The following CNTNAP2 variants were observed in gnomAD, a reference collection of about 807,000 sequenced individuals.
CNTNAP2 encodes the protein contactin-associated protein-like 2.
Under a neutral mutation model 155.2 loss-of-function variants are expected in CNTNAP2, and 98 were observed. The observed-to-expected ratio is 0.63, with a 90% CI of 0.54 to 0.75. CNTNAP2 has a LOEUF of 0.75. CNTNAP2 is among the 30% of genes least tolerant of loss of function. The pLI, the probability that CNTNAP2 is intolerant of heterozygous loss-of-function variation, is 0.00. For missense variants in CNTNAP2, 1,727 were observed against 1,688.1 expected (o/e 1.02, Z -0.40); for synonymous variants, 651 against 631.2 (o/e 1.03, Z -0.47).
intron 1 of CNTNAP2, among the ~76,000 whole-genome samples, chr7:146,702,471 T>G (rs2129173529): frequency 6.6e-6 from 1 of 152,300 alleles, no homozygotes; most frequent in East Asian, 1.9e-4. Flanking sequence ...GAGTCAGAGC[T>G]GTCTAATCGA....
intron 11 of CNTNAP2, among the ~76,000 whole-genome samples, chr7:147,519,596 C>G (rs1171155346): frequency 6.6e-6 from 1 of 152,244 alleles, no homozygotes; most frequent in Non-Finnish European, 1.5e-5. Flanking sequence ...GGCACAGTGG[C>G]TCATGCCTGT....
intron 20 of CNTNAP2, among the ~76,000 whole-genome samples, chr7:148,230,006 T>C (rs543116368): frequency 2.0e-5 from 3 of 152,340 alleles, no homozygotes; most frequent in Non-Finnish European, 1.5e-5. Context: ...AATAAATGTT[T>C]ATTCCGTATA....
rs73469036 is a variant in CNTNAP2 at position 147,074,564 on chromosome 7, C to T, written c.550+30510C>T. ...AGCCCCATTAGATGTAAAAAACTTG[C>T]TTTCTTATCTTTCCTTTGTTACACT... On this transcript the variant is annotated intron_variant, in intron 4 of 23. Transcript: ENST00000361727. Among the ~76,000 whole-genome samples, 936 of 152,222 alleles carry T rather than the reference C, an allele frequency of 6.1e-3. 10 individuals are homozygous for T. Among genetic ancestry groups the T allele is most frequent in the African/African-American group, 0.021 (875 of 41,524 alleles).
At position 148,118,728 on chromosome 7, in the gene CNTNAP2, G is replaced by A. The variant is rs182038217; in HGVS notation, c.2554+440G>A. Among the ~76,000 whole-genome samples, 4 of 152,246 alleles carry A rather than the reference G, an allele frequency of 2.6e-5. No individual in the cohort carries two copies. The South Asian group carries it at 6.2e-4, about 24-fold the overall frequency. ...AGTGACATCCGTGTGAGTTCAGGAG[G>A]CCACGGAGACCACAGGACTGGGCAA... On this transcript the variant is annotated intron_variant, in intron 16 of 23. Coordinates refer to ENST00000361727, the MANE Select transcript of CNTNAP2 (RefSeq NM_014141.6).
intron 13 of CNTNAP2, among the ~76,000 whole-genome samples, chr7:147,856,479 C>T (rs190960746): frequency 4.1e-4 from 63 of 152,304 alleles, no homozygotes; most frequent in Middle Eastern, 3.4e-3. Context: ...GCACACGAAT[C>T]CTCCTCTATG....
At chr7:147,351,815 A>T (rs2116879448) in intron 9 of CNTNAP2, among the ~76,000 whole-genome samples, 1 of 152,042 alleles carries the variant, frequency 6.6e-6, no homozygotes, top group Non-Finnish European at 1.5e-5. Flanking sequence ...TAAAGAGCAG[A>T]TAAAGACTAT....
chr7:147,221,901 T>A (rs1279024013), intron 8 of CNTNAP2, among the ~76,000 whole-genome samples: 1 of 152,138 alleles, frequency 6.6e-6, no homozygotes, highest in Non-Finnish European at 1.5e-5. Context: ...CACTAAATAA[T>A]TCACTCTACT....
chr7:146,423,947 C>A (rs1526153), intron 1 of CNTNAP2, among the ~76,000 whole-genome samples: 1 of 151,974 alleles, frequency 6.6e-6, no homozygotes, highest in Non-Finnish European at 1.5e-5. Context: ...TTGTCATAGG[C>A]GTGCTGGAGA....
chr7:147,181,200 G>A (rs944427263), intron 8 of CNTNAP2, among the ~76,000 whole-genome samples: 2 of 152,074 alleles, frequency 1.3e-5, no homozygotes, highest in African/African-American at 4.8e-5. Flanking sequence ...GAGCTGGGGG[G>A]ACAGCAGGTG....
At chr7:147,518,623 C>T (rs994147916) in intron 11 of CNTNAP2, among the ~76,000 whole-genome samples, 3 of 152,204 alleles carry the variant, frequency 2.0e-5, no homozygotes, top group East Asian at 3.8e-4. Context: ...ATTTCAGAAA[C>T]ACTGAAATAA....
intron 2 of CNTNAP2, among the ~76,000 whole-genome samples, chr7:146,813,289 G>A (rs1246740180): frequency 6.6e-6 from 1 of 152,178 alleles, no homozygotes; most frequent in Non-Finnish European, 1.5e-5. Flanking sequence ...GCCTATGAAA[G>A]CAGCCAACAG....
At chr7:147,174,896 G>A (rs991694992) in intron 8 of CNTNAP2, among the ~76,000 whole-genome samples, 2 of 151,972 alleles carry the variant, frequency 1.3e-5, no homozygotes, top group Non-Finnish European at 1.5e-5. Context: ...TAGATAGATC[G>A]CACTATAAGA....
chr7:146,600,643 T>G (rs73470604), intron 1 of CNTNAP2, among the ~76,000 whole-genome samples: 5,134 of 152,296 alleles, frequency 0.034, 290 homozygotes, highest in African/African-American at 0.12. Flanking sequence ...GGCATGCGTA[T>G]GTATTCTGTA....
In CNTNAP2 at chr7:148,229,729, C is replaced by T. The variant is rs1159246607; in HGVS notation, c.3331C>T (p.Gln1111Ter). ...DVDHRNMANG[Q>*]PHSVNITRHE... ...AGACCACAGGAACATGGCCAATGGACAGCCCCACAGTGTCAACATCACCCG... is the reference window on the plus strand; with the variant it reads ...AGACCACAGGAACATGGCCAATGGATAGCCCCACAGTGTCAACATCACCCG... Residue 1111 changes from glutamine to a stop codon, truncating the protein, a stop_gained, in exon 20 of 24, where the codon CAG (glutamine) becomes TAG (stop). Transcript: ENST00000361727. LOFTEE classifies it high-confidence loss of function. 6 of 1,614,102 alleles carry T rather than the reference C, an allele frequency of 3.7e-6. No homozygotes were observed. Among genetic ancestry groups the T allele is most frequent in the Non-Finnish European group, 4.2e-6 (5 of 1,180,014 alleles).
intron 1 of CNTNAP2, chr7:146,208,734 C>CA (rs774963223): frequency 6.6e-6 from 1 of 152,056 alleles, no homozygotes; most frequent in Non-Finnish European, 1.5e-5. Flanking sequence ...AACACCAGGA[C>CA]AGAGTTGGGA....
At chr7:147,258,743 T>A (rs1263391112) in intron 8 of CNTNAP2, among the ~76,000 whole-genome samples, 1 of 152,322 alleles carries the variant, frequency 6.6e-6, no homozygotes, top group Non-Finnish European at 1.5e-5. Context: ...AGTGACCTCC[T>A]AAACTTGCAG....
intron 3 of CNTNAP2, among the ~76,000 whole-genome samples, chr7:146,951,234 T>G (rs866340248): frequency 1.3e-5 from 2 of 152,310 alleles, no homozygotes; most frequent in Middle Eastern, 6.8e-3. Context: ...TTTTCTCCCA[T>G]TCTACAGGTT....
intron 9 of CNTNAP2, among the ~76,000 whole-genome samples, chr7:147,388,062 A>T (rs1796652219): frequency 6.6e-6 from 1 of 152,172 alleles, no homozygotes; most frequent in African/African-American, 2.4e-5. Flanking sequence ...AGACTCTTGG[A>T]TTCCTACTTT....
chr7:146,677,002 G>A lies in CNTNAP2; in HGVS notation c.98-97269G>A, dbSNP rs1346369622. Among the ~76,000 whole-genome samples the A allele has an allele frequency of 1.3e-5, 2 of 152,182 alleles. 1 individual carries two copies. Among genetic ancestry groups the A allele is most frequent in the East Asian group, 3.9e-4 (2 of 5,186 alleles). On this transcript the variant is annotated intron_variant, in intron 1 of 23. Transcript: ENST00000361727. ...TCAATTTAGAGGTTTATTTTGCAAG[G>A]TTAAGGACATGCCCATCACACAACC...
Sources: allele counts gnomAD v4.1 joint callset (sites outside exome capture counted in the v4.1 genomes callset), GRCh38; gene constraint gnomAD v4.1.1; transcripts MANE v1.5; gene names NCBI Gene and HGNC (gene_info 2026-07-23, HGNC 2026-07-21).